The following SBF2 variants were observed in gnomAD, a reference collection of about 807,000 sequenced individuals.
The protein encoded by SBF2 is SET binding factor 2.
A neutral mutation model predicts 225.2 loss-of-function variants in SBF2; 112 were observed. The observed-to-expected ratio is 0.50, with a 90% CI of 0.43 to 0.58. The LOEUF (loss-of-function observed/expected upper bound fraction) is 0.58. Ranked by LOEUF, SBF2 falls within the 20% of genes least tolerant of loss-of-function variation. SBF2 has a pLI of 0.00. For missense variants in SBF2, 1,996 were observed against 2,206.2 expected (o/e 0.90, Z 1.91); for synonymous variants, 763 against 773.3 (o/e 0.99, Z 0.22).
intron 16 of SBF2, among the ~76,000 whole-genome samples, chr11:9,928,410 A>G (rs1000985140): frequency 7.2e-5 from 11 of 152,128 alleles, no homozygotes; most frequent in African/African-American, 2.7e-4. Context: ...ACAACCACAC[A>G]CCTATTAGGA....
rs774240401 is a variant in SBF2, at chr11:10,084,565, C to T, written c.142-41584G>A. On this transcript the variant is annotated intron_variant, in intron 2 of 39. Coordinates refer to ENST00000256190, the MANE Select transcript of SBF2 (RefSeq NM_030962.4). ...AAAATGGAACTAGCATTATATCCAG[C>T]AATCCCACTACTGGGTATCTACTGA... 3.3e-4 allele frequency among the ~76,000 whole-genome samples: 51 copies of T among 152,268 alleles called. 1 individual carries two copies. The highest frequency in any genetic ancestry group is 4.1e-4 in the Non-Finnish European group (28 of 68,020).
rs566232469 is a variant in SBF2 at position 9,807,918 on chromosome 11, C to T, written c.4443+82G>A. On this transcript the variant is annotated intron_variant, in intron 32 of 39. Transcript: ENST00000256190. ...AGAGTTATGACAGGAAGGTACCGGG[C>T]ACACCATCGCAATGCTCCATCAATG... 9.5e-5 allele frequency: 116 copies of T among 1,226,146 alleles called. No homozygotes were observed. The South Asian group carries it at 1.2e-3, about 13-fold the overall frequency. 76.0% of individuals were successfully genotyped at this position (1,226,146 alleles called of 1,614,324 possible). A position where few individuals can be genotyped will look rare whatever the true frequency, so the allele number is the denominator to read the frequency against.
intron 1 of SBF2, among the ~76,000 whole-genome samples, chr11:10,206,311 C>G (rs1957750168): frequency 6.6e-6 from 1 of 150,984 alleles, no homozygotes; most frequent in Non-Finnish European, 1.5e-5. Flanking sequence ...AACCAAATAA[C>G]CAAGAAAATC....
At chr11:10,035,133 T>A (rs1251159008) in intron 3 of SBF2, among the ~76,000 whole-genome samples, 3 of 151,912 alleles carry the variant, frequency 2.0e-5, no homozygotes, top group African/African-American at 7.3e-5. Context: ...CCTGGCTAAT[T>A]TTTTCTTTTT....
chr11:10,260,245 T>C (rs186654466), intron 1 of SBF2, among the ~76,000 whole-genome samples: 2 of 152,192 alleles, frequency 1.3e-5, no homozygotes, highest in Non-Finnish European at 2.9e-5. Context: ...TCATCTTTCA[T>C]AAGTAATTAT....
At chr11:10,049,194 C>T (rs1949975712) in intron 2 of SBF2, among the ~76,000 whole-genome samples, 1 of 152,144 alleles carries the variant, frequency 6.6e-6, no homozygotes, top group African/African-American at 2.4e-5. Context: ...CACAGTATCA[C>T]TCTTTTCTGT....
rs112062409 is a variant in SBF2, at chr11:10,185,292, T to C, written c.141+8610A>G. ...TTTTAGGATATACCCAGAAGTGAAA[T>C]TGTTAGGTCATATGGTAATTTTATT... On this transcript the variant is annotated intron_variant, in intron 2 of 39. Transcript: ENST00000256190. Among the ~76,000 whole-genome samples, 368 of 152,278 alleles carry C rather than the reference T, an allele frequency of 2.4e-3. 3 individuals are homozygous for C. Among genetic ancestry groups the C allele is most frequent in the African/African-American group, 8.3e-3 (345 of 41,566 alleles).
intron 2 of SBF2, among the ~76,000 whole-genome samples, chr11:10,179,682 A>G (rs1191845610): frequency 6.6e-6 from 1 of 152,120 alleles, no homozygotes; most frequent in Non-Finnish European, 1.5e-5. Flanking sequence ...TTTGCTTTAT[A>G]TATCTGGGTG....
intron 2 of SBF2, among the ~76,000 whole-genome samples, chr11:10,082,080 G>A (rs1247850042): frequency 1.3e-5 from 2 of 152,048 alleles, no homozygotes; most frequent in Non-Finnish European, 2.9e-5. Flanking sequence ...ATGCAAAAGA[G>A]CATCAGAGAC....
chr11:10,215,087 C>T (rs150242945), intron 1 of SBF2, among the ~76,000 whole-genome samples: 1 of 152,160 alleles, frequency 6.6e-6, no homozygotes, highest in Non-Finnish European at 1.5e-5. Flanking sequence ...AAACCCACTG[C>T]TAAATGACAA....
chr11:10,222,624 T>C (rs562502932), intron 1 of SBF2, among the ~76,000 whole-genome samples: 8 of 152,316 alleles, frequency 5.3e-5, no homozygotes, highest in Admixed American at 3.3e-4. Flanking sequence ...CAGAGCCTCA[T>C]GACTGGTCTG....
intron 21 of SBF2, among the ~76,000 whole-genome samples, chr11:9,850,998 T>C (rs1002576709): frequency 2.6e-5 from 4 of 151,898 alleles, no homozygotes; most frequent in Non-Finnish European, 4.4e-5. Context: ...TAGCTGGGCA[T>C]GGTGGCAGGC....
chr11:9,798,245 C>A (rs1007659190), intron 32 of SBF2, among the ~76,000 whole-genome samples: 2 of 152,122 alleles, frequency 1.3e-5, no homozygotes, highest in African/African-American at 4.8e-5. Flanking sequence ...CTCTGGTCTT[C>A]CTGGCTCCTT....
rs149498344 is a variant in SBF2, at chr11:10,157,026, G to A, written c.141+36876C>T. Among the ~76,000 whole-genome samples the A allele has an allele frequency of 3.8e-3, 580 of 152,144 alleles. 4 individuals are homozygous for A. Among genetic ancestry groups the A allele is most frequent in the South Asian group, 5.4e-3 (26 of 4,810 alleles). The stretch of plus-strand genomic sequence containing the variant: ...TACTCAACTTCAAACTACACTACGG[G>A]GCTACAGTAACCAAAACAGCATGGG... On this transcript the variant is annotated intron_variant, in intron 2 of 39. Transcript: ENST00000256190.
chr11:9,870,771 T>G (rs1304078583), intron 17 of SBF2, among the ~76,000 whole-genome samples: 1 of 151,868 alleles, frequency 6.6e-6, no homozygotes, highest in African/African-American at 2.4e-5. Context: ...GTCAGGAGAT[T>G]GAGACTATCC....
intron 1 of SBF2, among the ~76,000 whole-genome samples, chr11:10,278,674 T>G (rs1963158421): frequency 6.6e-6 from 1 of 151,610 alleles, no homozygotes. Context: ...TCCCAGCTAC[T>G]TGGGAGGTTG....
At chr11:9,895,244 T>C (rs1861150589) in intron 17 of SBF2, among the ~76,000 whole-genome samples, 1 of 152,226 alleles carries the variant, frequency 6.6e-6, no homozygotes, top group African/African-American at 2.4e-5. Flanking sequence ...AAGCTGACTG[T>C]GCATGTAGCT....
At chr11:9,829,710 T>A (rs895463617) in intron 27 of SBF2, 1 of 524,236 alleles carries the variant, frequency 1.9e-6, no homozygotes, top group Non-Finnish European at 3.4e-6. Flanking sequence ...CCACACCTAC[T>A]TCTTGATTGC....
chr11:9,852,613 G>T, intron 21 of SBF2, 63 bp downstream of exon 21: 1 of 1,153,740 alleles, frequency 8.7e-7, no homozygotes, highest in Non-Finnish European at 1.3e-6. Context: ...CTGGCACACA[G>T]CAGTCTATTG....
Sources: allele counts gnomAD v4.1 joint callset (sites outside exome capture counted in the v4.1 genomes callset), GRCh38; gene constraint gnomAD v4.1.1; transcripts MANE v1.5; gene names NCBI Gene and HGNC (gene_info 2026-07-23, HGNC 2026-07-21).